NXPH1: variants seen among roughly 807,000 people sequenced by gnomAD.
The protein encoded by NXPH1 is neurexophilin-1.
In NXPH1, 5 loss-of-function variants were observed where a neutral mutation model predicts 23.7. The ratio of observed to expected loss-of-function variants is 0.21; its 90% CI spans 0.11 to 0.44. NXPH1 has a LOEUF of 0.44. Ranked by LOEUF, NXPH1 falls within the 20% of genes least tolerant of loss-of-function variation. The pLI, the probability that NXPH1 is intolerant of heterozygous loss-of-function variation, is 0.99. For missense variants in NXPH1, 324 were observed against 321.6 expected (o/e 1.01, Z -0.06); for synonymous variants, 144 against 122.2 (o/e 1.18, Z -1.18).
At chr7:8,716,540 A>C (rs1329918196) in intron 2 of NXPH1, among the ~76,000 whole-genome samples, 2 of 152,224 alleles carry the variant, frequency 1.3e-5, no homozygotes, top group African/African-American at 4.8e-5. Flanking sequence ...ATTCAAAAGA[A>C]TTCCACCTCT....
intron 2 of NXPH1, among the ~76,000 whole-genome samples, chr7:8,563,570 G>C (rs1401434483): frequency 6.6e-6 from 1 of 151,748 alleles, no homozygotes; most frequent in African/African-American, 2.4e-5. Context: ...TTCTGACTAT[G>C]AGCAATAAGG....
intron 2 of NXPH1, among the ~76,000 whole-genome samples, chr7:8,650,663 C>G (rs532744179): frequency 2.6e-5 from 4 of 152,298 alleles, no homozygotes; most frequent in African/African-American, 9.6e-5. Context: ...GCCTCTTGCT[C>G]AGTCTCTTTA....
intron 2 of NXPH1, among the ~76,000 whole-genome samples, chr7:8,491,273 C>T (rs543654819): frequency 8.3e-4 from 127 of 152,134 alleles, no homozygotes; most frequent in South Asian, 2.5e-3. Context: ...ATTTTCTTAA[C>T]TGAGTCCCTG....
intron 2 of NXPH1, among the ~76,000 whole-genome samples, chr7:8,600,406 C>G (rs1053518042): frequency 3.3e-5 from 5 of 152,196 alleles, no homozygotes; most frequent in African/African-American, 1.2e-4. Flanking sequence ...GCTTCCTTCT[C>G]TGATCTATCT....
chr7:8,461,921 T>C (rs1249485865), intron 2 of NXPH1, among the ~76,000 whole-genome samples: 1 of 151,726 alleles, frequency 6.6e-6, no homozygotes, highest in Non-Finnish European at 1.5e-5. Flanking sequence ...AATGGAGTCA[T>C]ACTCCACAAG....
intron 2 of NXPH1, among the ~76,000 whole-genome samples, chr7:8,441,881 C>G (rs1237079219): frequency 8.1e-6 from 1 of 123,610 alleles, no homozygotes; most frequent in Admixed American, 1.2e-4. Context: ...CTGCAAAGAG[C>G]TTTCCCTAGT....
intron 2 of NXPH1, among the ~76,000 whole-genome samples, chr7:8,482,164 C>T (rs1466176515): frequency 6.6e-6 from 1 of 152,212 alleles, no homozygotes; most frequent in Non-Finnish European, 1.5e-5. Context: ...AAAGAGCAGC[C>T]TCAGCTTGAA....
chr7:8,736,212 T>G (rs1349935354), intron 2 of NXPH1, among the ~76,000 whole-genome samples: 2 of 152,226 alleles, frequency 1.3e-5, no homozygotes, highest in Non-Finnish European at 2.9e-5. Context: ...TTTGTTTAAT[T>G]GTGATGTCAG....
chr7:8,647,783 T>C (rs995345244), intron 2 of NXPH1, among the ~76,000 whole-genome samples: 1 of 151,912 alleles, frequency 6.6e-6, no homozygotes, highest in Non-Finnish European at 1.5e-5. Flanking sequence ...CATTCGGTTT[T>C]TTTTTTTTAA....
chr7:8,523,713 A>G (rs1817814126), intron 2 of NXPH1, among the ~76,000 whole-genome samples: 1 of 152,182 alleles, frequency 6.6e-6, no homozygotes, highest in Non-Finnish European at 1.5e-5. Flanking sequence ...CATTTGTTCC[A>G]TGAGTGAATG....
chr7:8,452,411 T>C (rs1816522626), intron 2 of NXPH1, among the ~76,000 whole-genome samples: 1 of 152,182 alleles, frequency 6.6e-6, no homozygotes, highest in African/African-American at 2.4e-5. Context: ...TTTGATTTAT[T>C]ATATCCACTG....
intron 2 of NXPH1, among the ~76,000 whole-genome samples, chr7:8,661,757 G>T (rs1820678207): frequency 6.6e-6 from 1 of 152,080 alleles, no homozygotes; most frequent in Admixed American, 6.6e-5. Flanking sequence ...CAAGTATAAA[G>T]GTAGTACTCA....
chr7:8,567,318 G>C (rs989605577), intron 2 of NXPH1, among the ~76,000 whole-genome samples: 9 of 151,896 alleles, frequency 5.9e-5, no homozygotes, highest in Non-Finnish European at 1.0e-4. Context: ...TTTGGTTCAT[G>C]TTTGCGCCTC....
intron 2 of NXPH1, among the ~76,000 whole-genome samples, chr7:8,738,084 C>T (rs966351911): frequency 1.3e-5 from 2 of 152,124 alleles, no homozygotes; most frequent in African/African-American, 2.4e-5. Context: ...AGAACATGCT[C>T]CTTTAGCTTG....
intron 2 of NXPH1, among the ~76,000 whole-genome samples, chr7:8,705,789 G>C (rs970432409): frequency 6.6e-6 from 1 of 152,150 alleles, no homozygotes; most frequent in African/African-American, 2.4e-5. Flanking sequence ...TATCTTTAAA[G>C]TCTTACCTCA....
intron 2 of NXPH1, among the ~76,000 whole-genome samples, chr7:8,623,412 AAATTT>A (rs1377851838): frequency 6.6e-6 from 1 of 152,198 alleles, no homozygotes; most frequent in Non-Finnish European, 1.5e-5. Flanking sequence ...ACAATCAGAC[AAATTT>A]AATTTATCTG....
At chr7:8,708,848 C>T (rs1779743453) in intron 2 of NXPH1, among the ~76,000 whole-genome samples, 1 of 152,108 alleles carries the variant, frequency 6.6e-6, no homozygotes, top group Non-Finnish European at 1.5e-5. Context: ...AACATGTGTT[C>T]CATGACGAGC....
intron 2 of NXPH1, among the ~76,000 whole-genome samples, chr7:8,569,326 G>A (rs540551567): frequency 1.6e-4 from 24 of 151,908 alleles, no homozygotes; most frequent in African/African-American, 5.5e-4. Flanking sequence ...CATTGAAAGG[G>A]ATATACGTTG....
chr7:8,684,807 A>G (rs1411230879), intron 2 of NXPH1, among the ~76,000 whole-genome samples: 1 of 152,078 alleles, frequency 6.6e-6, no homozygotes, highest in Non-Finnish European at 1.5e-5. Flanking sequence ...GAAATCTATT[A>G]ATTTTGTCCC....
Sources: gnomAD v4.1 joint callset for allele counts (sites outside exome capture counted in the v4.1 genomes callset) on GRCh38, gnomAD v4.1.1 for gene constraint, MANE v1.5 for transcripts, NCBI Gene and HGNC (gene_info 2026-07-23, HGNC 2026-07-21) for gene names.